The following FNDC3B variants were observed in gnomAD, a reference collection of about 807,000 sequenced individuals.
FNDC3B encodes fibronectin type III domain-containing protein 3B.
A neutral mutation model predicts 151.5 loss-of-function variants in FNDC3B; 12 were observed. That is an observed-to-expected ratio of 0.08 (90% confidence interval 0.05 to 0.13). FNDC3B has a LOEUF of 0.13. Ranked by LOEUF, FNDC3B falls within the 10% of genes least tolerant of loss-of-function variation. FNDC3B has a pLI of 1.00. For missense variants in FNDC3B, 1,214 were observed against 1,505.3 expected, an observed-to-expected ratio of 0.81 and a Z score of 3.20; for synonymous variants, 528 against 549.0, an observed-to-expected ratio of 0.96 and a Z score of 0.54.
rs778887609 is a variant in FNDC3B, at chr3:172,328,906, T to TTG, written c.1255-45_1255-44insGT. The TTG allele has an allele frequency of 1.2e-4, 85 of 687,342 alleles. No individual in the cohort carries two copies. The Middle Eastern group carries it at 6.4e-3, about 52-fold the overall frequency. 42.6% of individuals were successfully genotyped at this position (687,342 alleles called of 1,614,324 possible). On this transcript the variant is annotated intron_variant, in intron 11 of 25. Coordinates refer to ENST00000415807, the MANE Select transcript of FNDC3B (RefSeq NM_022763.4). ...TTCATTTATTTAGGGTTATCTGTTG[T>TTG]TTTTTTTTTTTTAAGTATATGCATT...
intron 3 of FNDC3B, among the ~76,000 whole-genome samples, chr3:172,220,502 C>A (rs1726224970): frequency 6.6e-6 from 1 of 152,126 alleles, no homozygotes; most frequent in African/African-American, 2.4e-5. Flanking sequence ...TCTTTTGATG[C>A]ACAAAAGTTT....
At chr3:172,066,346 CA>C (rs1398612394) in intron 1 of FNDC3B, among the ~76,000 whole-genome samples, 1 of 152,220 alleles carries the variant, frequency 6.6e-6, no homozygotes, top group African/African-American at 2.4e-5. Flanking sequence ...TGTGTACCTT[CA>C]TATCAACCCT....
intron 3 of FNDC3B, among the ~76,000 whole-genome samples, chr3:172,219,375 A>T (rs1055290229): frequency 2.0e-5 from 3 of 152,296 alleles, no homozygotes; most frequent in South Asian, 4.1e-4. Context: ...TCAGAGATTT[A>T]TATGCAGTTG....
chr3:172,173,643 A>C (rs1723392294), intron 3 of FNDC3B, among the ~76,000 whole-genome samples: 1 of 151,528 alleles, frequency 6.6e-6, no homozygotes, highest in South Asian at 2.1e-4. Flanking sequence ...AAAAAAAAAA[A>C]AAATTAAAAA....
chr3:172,284,372 C>G (rs1197333586), intron 6 of FNDC3B, among the ~76,000 whole-genome samples: 1 of 152,148 alleles, frequency 6.6e-6, no homozygotes. Context: ...TTTGCCTACT[C>G]CGGACCCTGT....
intron 3 of FNDC3B, chr3:172,184,115 C>T (rs961894900): frequency 6.6e-6 from 1 of 152,120 alleles, no homozygotes; most frequent in Non-Finnish European, 1.5e-5. Context: ...AAGTAATTTG[C>T]CTGCAGCTAT....
intron 1 of FNDC3B, among the ~76,000 whole-genome samples, chr3:172,060,261 T>A (rs910470524): frequency 2.0e-5 from 3 of 152,168 alleles, no homozygotes; most frequent in African/African-American, 7.2e-5. Context: ...AATTTAAAAG[T>A]CTAGATTCTT....
chr3:172,387,347 C>T (rs1045159760), intron 25 of FNDC3B, among the ~76,000 whole-genome samples: 1 of 152,176 alleles, frequency 6.6e-6, no homozygotes, highest in African/African-American at 2.4e-5. Flanking sequence ...ATCCACCCGC[C>T]TCACCCTCCC....
chr3:172,156,434 T>C (rs906173955), intron 3 of FNDC3B, among the ~76,000 whole-genome samples: 6 of 152,194 alleles, frequency 3.9e-5, no homozygotes, highest in Non-Finnish European at 7.4e-5. Context: ...AGAGGAAGTG[T>C]GCGCAAGACA....
intron 6 of FNDC3B, among the ~76,000 whole-genome samples, chr3:172,255,372 G>C (rs1244516140): frequency 1.3e-5 from 2 of 152,132 alleles, no homozygotes; most frequent in African/African-American, 4.8e-5. Flanking sequence ...AGGTTCAAGC[G>C]ATTCTTCTGC....
At chr3:172,181,395 C>CAAAAAAAAAAAAA (rs755223783) in intron 3 of FNDC3B, among the ~76,000 whole-genome samples, 37 of 71,396 alleles carry the variant, frequency 5.2e-4, no homozygotes, top group Admixed American at 6.4e-4. Flanking sequence ...ACTCTGTCTC[C>CAAAAAAAAAAAAA]AAAAAAAAAA....
intron 9 of FNDC3B, among the ~76,000 whole-genome samples, chr3:172,305,876 A>G (rs921486405): frequency 3.3e-5 from 5 of 152,156 alleles, no homozygotes; most frequent in African/African-American, 7.2e-5. Context: ...CAGATCTACC[A>G]TTTAGTTTTA....
At chr3:172,198,523 T>C (rs1185761714) in intron 3 of FNDC3B, among the ~76,000 whole-genome samples, 1 of 152,234 alleles carries the variant, frequency 6.6e-6, no homozygotes, top group Non-Finnish European at 1.5e-5. Flanking sequence ...GTAAAACTTC[T>C]ACCATTTCTA....
intron 8 of FNDC3B, among the ~76,000 whole-genome samples, chr3:172,297,243 G>A (rs1281458490): frequency 1.3e-5 from 2 of 152,218 alleles, no homozygotes; most frequent in East Asian, 1.9e-4. Flanking sequence ...TACAATGTAG[G>A]CCAGACAACA....
At chr3:172,049,492 C>T (rs996504265) in intron 1 of FNDC3B, among the ~76,000 whole-genome samples, 13 of 152,110 alleles carry the variant, frequency 8.5e-5, no homozygotes, top group East Asian at 1.9e-4. Context: ...GGTGTACACT[C>T]GGACCTGTCA....
chr3:172,319,150 T>C (rs765563765), intron 11 of FNDC3B, among the ~76,000 whole-genome samples: 4 of 152,214 alleles, frequency 2.6e-5, no homozygotes, highest in Non-Finnish European at 5.9e-5. Context: ...TCTTGGTTCC[T>C]GACACCTGAT....
Position 172,295,486 on chromosome 3 carries a change from C to A in FNDC3B, c.973C>A (p.Arg325=). The change falls in exon 8 of 26, where the codon CGA becomes AGA. Residue 325 remains arginine, a synonymous_variant. Coordinates refer to ENST00000415807, the MANE Select transcript of FNDC3B (RefSeq NM_022763.4). Reference sequence around the variant, plus strand: ...CGAGGTGGCCTTATCAGACAAAGGACGAGATGGAAAATACAAGATAATTTA... The same window carrying A: ...CGAGGTGGCCTTATCAGACAAAGGAAGAGATGGAAAATACAAGATAATTTA... ...SYEVALSDKG[R]DGKYKIIYSG... is the part of the protein sequence containing the mutation. 1.2e-6 allele frequency: 2 copies of A among 1,613,832 alleles called. No homozygotes were observed. The highest frequency in any genetic ancestry group is 1.7e-6 in the Non-Finnish European group (2 of 1,179,816).
intron 25 of FNDC3B, among the ~76,000 whole-genome samples, chr3:172,393,180 G>A (rs984853141): frequency 6.6e-6 from 1 of 152,032 alleles, no homozygotes; most frequent in African/African-American, 2.4e-5. Context: ...TAGACTGAAA[G>A]TGAAAAGTTG....
chr3:172,055,007 T>C (rs536731239), intron 1 of FNDC3B, among the ~76,000 whole-genome samples: 1 of 152,338 alleles, frequency 6.6e-6, no homozygotes, highest in South Asian at 2.1e-4. Context: ...TTTATTTCCT[T>C]ATATTTCTTT....
Sources: gnomAD v4.1 joint callset for allele counts (sites outside exome capture counted in the v4.1 genomes callset) on GRCh38, gnomAD v4.1.1 for gene constraint, MANE v1.5 for transcripts, NCBI Gene and HGNC (gene_info 2026-07-23, HGNC 2026-07-21) for gene names.